Variants in MAPK8IP3 observed in about 807,000 individuals in gnomAD.
The protein encoded by MAPK8IP3 is mitogen-activated protein kinase 8 interacting protein 3.
MAPK8IP3 carries 49 observed loss-of-function variants against 157.8 expected under a neutral mutation model. That is an observed-to-expected ratio of 0.31 (90% CI 0.25 to 0.39). The LOEUF is 0.39. Ranked by LOEUF, MAPK8IP3 falls within the 10% of genes least tolerant of loss-of-function variation. The pLI, the probability that MAPK8IP3 is intolerant of heterozygous loss-of-function variation, is 1.00. For missense variants in MAPK8IP3, 1,478 were observed against 1,889.4 expected, an observed-to-expected ratio of 0.78 and a Z score of 4.04; for synonymous variants, 897 against 777.7, an observed-to-expected ratio of 1.15 and a Z score of -2.55.
chr16:1,709,557 C>T (rs775219116), intron 1 of MAPK8IP3, among the ~76,000 whole-genome samples: 6 of 152,254 alleles, frequency 3.9e-5, no homozygotes, highest in African/African-American at 7.2e-5. Context: ...CATTGCTAGC[C>T]GCCTACCAGA....
chr16:1,754,480 T>C (rs2041478319), intron 8 of MAPK8IP3, among the ~76,000 whole-genome samples: 1 of 152,082 alleles, frequency 6.6e-6, no homozygotes. Flanking sequence ...ATGTAGAAAC[T>C]GTCCACAAAT....
intron 8 of MAPK8IP3, 26 bp downstream of exon 8, chr16:1,748,746 G>C: frequency 1.3e-6 from 2 of 1,565,438 alleles, no homozygotes; most frequent in Non-Finnish European, 1.8e-6. Flanking sequence ...CCCCCGCACC[G>C]CTGTGCCTGC....
intron 8 of MAPK8IP3, among the ~76,000 whole-genome samples, chr16:1,753,957 A>T (rs2041446993): frequency 6.6e-6 from 1 of 151,696 alleles, no homozygotes; most frequent in South Asian, 2.1e-4. Flanking sequence ...GTGGGTCATG[A>T]GGTCAGGAGT....
chr16:1,716,366 C>T (rs1023192835), intron 1 of MAPK8IP3, among the ~76,000 whole-genome samples: 4 of 147,286 alleles, frequency 2.7e-5, no homozygotes, highest in Non-Finnish European at 4.5e-5. Flanking sequence ...GGCGCGATCT[C>T]GGCTCACTGC....
chr16:1,725,522 G>T (rs1057106245), intron 2 of MAPK8IP3, among the ~76,000 whole-genome samples: 1 of 151,504 alleles, frequency 6.6e-6, no homozygotes, highest in South Asian at 2.1e-4. Context: ...AGCTACTCGG[G>T]CAACTGAGGC....
At chr16:1,754,121 C>A (rs1023369025) in intron 8 of MAPK8IP3, among the ~76,000 whole-genome samples, 1 of 150,510 alleles carries the variant, frequency 6.6e-6, no homozygotes, top group Non-Finnish European at 1.5e-5. Context: ...TGCAGTGAGC[C>A]GAGATCGCAC....
In MAPK8IP3 at chr16:1,766,292, A is replaced by C; in HGVS notation, c.2702A>C (p.Glu901Ala). The change falls in exon 22 of 32, where the codon GAG becomes GCG. Residue 901 changes from glutamate (E) to alanine (A), a missense_variant. Physicochemically the swap from Glu to Ala is moderately radical, Grantham distance 107. This residue lies in a region of MAPK8IP3 where 669 missense variants were observed against 759.8 expected (regional missense o/e 0.88). Transcript: ENST00000610761. Reference sequence around the variant, plus strand: ...ACAGAGGAGGCCACAGAGGCCACGGAGGTGCCAGACCCTGGGCCCAGCGAG... The same window carrying C: ...ACAGAGGAGGCCACAGAGGCCACGGCGGTGCCAGACCCTGGGCCCAGCGAG... Reference protein sequence around the residue: ...QSTEEATEATEVPDPGPSEPE... With the variant: ...QSTEEATEATAVPDPGPSEPE... 1.9e-6 allele frequency: 3 copies of C among 1,612,676 alleles called. No homozygotes were observed. Among genetic ancestry groups the C allele is most frequent in the Non-Finnish European group, 2.5e-6 (3 of 1,179,986 alleles).
At position 1,767,202 on chromosome 16, in the gene MAPK8IP3, C is replaced by A; in HGVS notation, c.3142C>A (p.His1048Asn). Residue 1048 changes from histidine to asparagine, a missense_variant, in exon 26 of 32, where the codon CAC (histidine) becomes AAC (asparagine). His to Asn is a moderately conservative substitution (Grantham distance 68). Around this residue, in one of 11 missense-constraint regions of MAPK8IP3, gnomAD observed 669 missense variants for 759.8 expected, o/e 0.88. Coordinates refer to ENST00000610761, the MANE Select transcript of MAPK8IP3 (RefSeq NM_001318852.2). ...YHLMDLGHPH[H>N]SIRCMAVVYD... ...CCTAATGGACCTGGGCCACCCGCAC[C>A]ACTCCATCCGCTGCATGGCTGTTGT... The A allele has an allele frequency of 6.2e-7, 1 of 1,613,390 alleles. No individual in the cohort carries two copies. The highest frequency in any genetic ancestry group is 1.1e-5 in the South Asian group (1 of 91,088).
chr16:1,750,699 C>T (rs1482384270), intron 8 of MAPK8IP3, among the ~76,000 whole-genome samples: 2 of 151,060 alleles, frequency 1.3e-5, no homozygotes, highest in Non-Finnish European at 2.9e-5. Context: ...GGCTGGAGTG[C>T]AGTGGTGCGA....
chr16:1,709,730 G>T (rs949706576), intron 1 of MAPK8IP3, among the ~76,000 whole-genome samples: 2 of 152,270 alleles, frequency 1.3e-5, no homozygotes, highest in East Asian at 3.8e-4. Flanking sequence ...CAGCTCCAGA[G>T]GAGGGCCGGG....
chr16:1,748,900 G>A (rs527434322), intron 8 of MAPK8IP3, 180 bp downstream of exon 8: 7 of 742,820 alleles, frequency 9.4e-6, no homozygotes, highest in Admixed American at 8.7e-5. Context: ...CAGGGGATTG[G>A]TTTCTGGACT....
At chr16:1,714,212 G>GT (rs1395555735) in intron 1 of MAPK8IP3, 1 of 152,266 alleles carries the variant, frequency 6.6e-6, no homozygotes, top group Non-Finnish European at 1.5e-5. Flanking sequence ...TGGGCGGCTT[G>GT]TTTTTACGTA....
chr16:1,735,275 T>C (rs1462857062), intron 4 of MAPK8IP3, among the ~76,000 whole-genome samples: 1 of 141,744 alleles, frequency 7.1e-6, no homozygotes, highest in Non-Finnish European at 1.5e-5. Flanking sequence ...CATGTGACCG[T>C]CTGTGAGTGT....
chr16:1,741,660 T>A lies in MAPK8IP3; in HGVS notation c.603-1672T>A, dbSNP rs1255514117. Among the ~76,000 whole-genome samples the A allele has an allele frequency of 6.6e-6, 1 of 151,946 alleles. No homozygotes were observed. Among genetic ancestry groups the A allele is most frequent in the Admixed American group, 6.5e-5 (1 of 15,274 alleles). ...GAGGCCCCTGGTGCAGACAGGGCGG[T>A]TGAAGCCCAGCCTCCCACTGGGGTC... On this transcript the variant is annotated intron_variant, in intron 4 of 31. Transcript: ENST00000610761. The surrounding 1 kb of genome is among the most constrained non-coding windows in gnomAD (Gnocchi z 6.9).
At chr16:1,756,095 G>T (rs148510133) in intron 8 of MAPK8IP3, among the ~76,000 whole-genome samples, 400 of 152,274 alleles carry the variant, frequency 2.6e-3, no homozygotes, top group Non-Finnish European at 4.0e-3. Flanking sequence ...TGGACCAGCA[G>T]CTGGAGATGC....
At chr16:1,749,924 G>A (rs1453347200) in intron 8 of MAPK8IP3, among the ~76,000 whole-genome samples, 2 of 152,172 alleles carry the variant, frequency 1.3e-5, no homozygotes, top group Non-Finnish European at 2.9e-5. Flanking sequence ...GGCCATGTAT[G>A]AGTAACATAA....
intron 8 of MAPK8IP3, among the ~76,000 whole-genome samples, chr16:1,756,449 T>C (rs1009927654): frequency 6.6e-6 from 1 of 151,650 alleles, no homozygotes; most frequent in Non-Finnish European, 1.5e-5. Flanking sequence ...ATCGCGCCAC[T>C]TCACTCCAAC....
intron 14 of MAPK8IP3, 37 bp from the exon 15 acceptor site, chr16:1,762,638 G>A (rs1390670897): frequency 6.5e-7 from 1 of 1,541,812 alleles, no homozygotes. Context: ...GAGGCGTGAG[G>A]GCACTAGCAG....
In MAPK8IP3 at chr16:1,764,131, G is replaced by A. The variant is rs1486971621; in HGVS notation, c.2042G>A (p.Gly681Asp). The change falls in exon 18 of 32, where the codon GGC (glycine) becomes GAC (aspartate). Residue 681 changes from glycine to aspartate, a missense_variant. This residue lies in a region of MAPK8IP3 where 669 missense variants were observed against 759.8 expected (regional missense o/e 0.88). Transcript: ENST00000610761. ...AKYKQLSPNGGQEDTRMKNVP... is the reference protein window; with the variant it reads ...AKYKQLSPNGDQEDTRMKNVP... Reference sequence around the variant, plus strand: ...TCCCTGCAGCTGAGTCCCAACGGGGGCCAGGAGGACACGCGGATGAAGAAC... The same window carrying A: ...TCCCTGCAGCTGAGTCCCAACGGGGACCAGGAGGACACGCGGATGAAGAAC... 4 of 1,610,374 alleles carry A rather than the reference G, an allele frequency of 2.5e-6. No individual in the cohort carries two copies. Among genetic ancestry groups the A allele is most frequent in the Non-Finnish European group, 3.4e-6 (4 of 1,179,030 alleles).
Sources: allele counts gnomAD v4.1 joint callset (sites outside exome capture counted in the v4.1 genomes callset), GRCh38; gene constraint gnomAD v4.1.1; regional missense constraint gnomAD v4.1.1; non-coding constraint Gnocchi (gnomAD v3.1); transcripts MANE v1.5; gene names NCBI Gene and HGNC (gene_info 2026-07-23, HGNC 2026-07-21).